MNS1: variants seen among roughly 807,000 people sequenced by gnomAD.
MNS1 encodes meiosis-specific nuclear structural protein 1.
Under a neutral mutation model 72.0 loss-of-function variants are expected in MNS1, and 63 were observed. The ratio of observed to expected loss-of-function variants is 0.87; its 90% CI spans 0.71 to 1.08. The LOEUF (loss-of-function observed/expected upper bound fraction) is 1.08. MNS1 is among the 50% of genes least tolerant of loss of function. The pLI is 0.00. For synonymous variants in MNS1, 188 were observed against 172.1 expected, an observed-to-expected ratio of 1.09 and a Z score of -0.72; for missense variants, 604 against 562.4, an observed-to-expected ratio of 1.07 and a Z score of -0.75.
intron 2 of MNS1, among the ~76,000 whole-genome samples, chr15:56,461,096 A>G (rs1479888511): frequency 6.6e-6 from 1 of 152,202 alleles, no homozygotes; most frequent in East Asian, 1.9e-4. Flanking sequence ...TATTCAAAAG[A>G]AGGTCAGTCT....
chr15:56,431,326 A>G (rs1470552345), intron 9 of MNS1, 47 bp downstream of exon 9: 2 of 1,580,324 alleles, frequency 1.3e-6, no homozygotes, highest in African/African-American at 2.7e-5. Context: ...TGTTTTTTTC[A>G]CTATTACAGG....
chr15:56,440,244 G>A (rs2050796005), intron 7 of MNS1, among the ~76,000 whole-genome samples: 1 of 152,008 alleles, frequency 6.6e-6, no homozygotes, highest in Non-Finnish European at 1.5e-5. Flanking sequence ...ATTTAAAAGT[G>A]GCTAAAATAA....
intron 8 of MNS1, among the ~76,000 whole-genome samples, chr15:56,432,823 C>T (rs868375221): frequency 5.3e-5 from 8 of 152,262 alleles, no homozygotes; most frequent in Middle Eastern, 3.4e-3. Flanking sequence ...ATATTTGAAA[C>T]ATCTGCATTA....
At chr15:56,453,307 C>T (rs940623672) in intron 3 of MNS1, among the ~76,000 whole-genome samples, 1 of 152,104 alleles carries the variant, frequency 6.6e-6, no homozygotes, top group Non-Finnish European at 1.5e-5. Context: ...CATTTTTCTT[C>T]TTCTATTAAT....
intron 3 of MNS1, among the ~76,000 whole-genome samples, chr15:56,450,867 C>G (rs1416735605): frequency 2.0e-5 from 3 of 152,104 alleles, no homozygotes; most frequent in African/African-American, 7.2e-5. Flanking sequence ...TCTGAGGGTT[C>G]CAATTTTCCC....
At chr15:56,461,998 T>TTTTTG (rs2051025987) in intron 2 of MNS1, among the ~76,000 whole-genome samples, 1 of 140,432 alleles carries the variant, frequency 7.1e-6, no homozygotes, top group African/African-American at 2.6e-5. Flanking sequence ...TTTTTTTTTT[T>TTTTTG]TTTTTTTTTT....
At chr15:56,456,323 C>T in intron 3 of MNS1, 71 bp downstream of exon 3, 1 of 1,389,720 alleles carries the variant, frequency 7.2e-7, no homozygotes, top group Non-Finnish European at 9.6e-7. Context: ...ATTTCACTTT[C>T]AGGTGCTAAG....
chr15:56,431,172 T>A (rs11855937), intron 9 of MNS1, among the ~76,000 whole-genome samples: 46,104 of 152,036 alleles, frequency 0.3, 7,907 homozygotes, highest in Middle Eastern at 0.49. Context: ...AGCTCATACA[T>A]CTAATAATGT....
chr15:56,441,449 T>C (rs1282531779), intron 7 of MNS1, among the ~76,000 whole-genome samples: 1 of 152,190 alleles, frequency 6.6e-6, no homozygotes, highest in Non-Finnish European at 1.5e-5. Context: ...ACCTAGTCTA[T>C]AGATTAATGA....
At chr15:56,460,003 A>ATATATATATATATATATATATAT (rs1243035397) in intron 2 of MNS1, among the ~76,000 whole-genome samples, 6 of 32,870 alleles carry the variant, frequency 1.8e-4, no homozygotes, top group African/African-American at 6.8e-4. Context: ...AAAAAAAAAA[A>ATATATATATATATATATATATAT]AAAAAAATAC....
chr15:56,434,389 CT>C lies in MNS1; in HGVS notation c.1017del (p.Ala340GlnfsTer5). On this transcript the variant is annotated frameshift_variant, in exon 8 of 10. Transcript: ENST00000260453. LOFTEE classifies it high-confidence loss of function. ...TTTTGCTTTCTCAATTTCTTTTCTG[CT>C]TCTTCCTAAACAATACAGCTGAAAG... ...AEIYKSKLKEEAEKKLRKQKE... is the reference protein window; with the variant it reads ...AEIYKSKLKEXAEKKLRKQKE... 7 of 1,610,382 alleles carry C rather than the reference CT, an allele frequency of 4.3e-6. No individual in the cohort carries two copies. Among genetic ancestry groups the C allele is most frequent in the Non-Finnish European group, 5.9e-6 (7 of 1,178,594 alleles).
chr15:56,456,379 G>T lies in MNS1; in HGVS notation c.353+15C>A, dbSNP rs776057411. 1 of 1,591,464 alleles carries T rather than the reference G, an allele frequency of 6.3e-7. No homozygotes were observed. Among genetic ancestry groups the T allele is most frequent in the South Asian group, 1.2e-5 (1 of 85,912 alleles). On this transcript the variant is annotated intron_variant, in intron 3 of 9. Transcript: ENST00000260453. ...ATAAAGACTAAATAAATGAAATTTAGAGAAACCAAGATACCTGTTTTCTCT... is the reference window on the plus strand; with the variant it reads ...ATAAAGACTAAATAAATGAAATTTATAGAAACCAAGATACCTGTTTTCTCT...
intron 2 of MNS1, among the ~76,000 whole-genome samples, chr15:56,461,370 G>A (rs982790227): frequency 2.0e-5 from 3 of 152,056 alleles, no homozygotes; most frequent in Non-Finnish European, 2.9e-5. Context: ...TTGTCAAAAG[G>A]ACACAGAGGG....
intron 7 of MNS1, among the ~76,000 whole-genome samples, chr15:56,438,607 C>G (rs565857889): frequency 5.3e-5 from 8 of 152,160 alleles, no homozygotes; most frequent in East Asian, 3.9e-4. Flanking sequence ...GTCTAAAACA[C>G]CAAAAGCAAT....
intron 1 of MNS1, among the ~76,000 whole-genome samples, chr15:56,464,579 C>CCCACCA (rs3050228): frequency 1.5e-4 from 23 of 150,502 alleles, no homozygotes; most frequent in East Asian, 5.9e-4. Flanking sequence ...CCTCATTCCA[C>CCCACCA]CCACCACCAC....
rs183784843 is a variant in MNS1 at position 56,428,839 on chromosome 15, T to G, written c.*262A>C. 1 of 403,338 alleles carries G rather than the reference T, an allele frequency of 2.5e-6. No homozygotes were observed. 25.0% of individuals were successfully genotyped at this position (403,338 alleles called of 1,614,324 possible). ...AGAGTTCTGTATTAGTCAAGGTAAA[T>G]ATACTGTCTTGAGGATGGGGATGCA... On this transcript the variant is annotated 3_prime_UTR_variant, in exon 10 of 10. Transcript: ENST00000260453.
At chr15:56,457,644 A>G (rs795779) in intron 2 of MNS1, among the ~76,000 whole-genome samples, 4,762 of 152,150 alleles carry the variant, frequency 0.031, 184 homozygotes, top group East Asian at 0.093. Context: ...CAACATAGAG[A>G]GGTGCTGTCC....
chr15:56,433,182 C>T (rs1464150534), intron 8 of MNS1, among the ~76,000 whole-genome samples: 1 of 150,932 alleles, frequency 6.6e-6, no homozygotes, highest in Non-Finnish European at 1.5e-5. Flanking sequence ...TAGGATGTCA[C>T]CCAGTCACCC....
chr15:56,446,739 G>A, intron 4 of MNS1, 102 bp downstream of exon 4: 1 of 751,212 alleles, frequency 1.3e-6, no homozygotes, highest in South Asian at 1.9e-5. Flanking sequence ...AAGAAATCTA[G>A]CAGTGTAAAT....
Sources: gnomAD v4.1 joint callset for allele counts (sites outside exome capture counted in the v4.1 genomes callset) on GRCh38, gnomAD v4.1.1 for gene constraint, MANE v1.5 for transcripts, NCBI Gene and HGNC (gene_info 2026-07-23, HGNC 2026-07-21) for gene names.